The following TEX26 variants were observed in gnomAD, a reference collection of about 807,000 sequenced individuals.
The protein encoded by TEX26 is testis expressed 26, also known as testis-expressed protein 26.
Under a neutral mutation model 35.3 loss-of-function variants are expected in TEX26, and 34 were observed. The ratio of observed to expected loss-of-function variants is 0.96; its 90% confidence interval spans 0.73 to 1.28. TEX26 has a LOEUF of 1.28. Ranked by LOEUF, TEX26 falls within the 50% of genes most tolerant of loss-of-function variation. The pLI, the probability that TEX26 is intolerant of heterozygous loss-of-function variation, is 0.00. For synonymous variants in TEX26, 136 were observed against 111.8 expected, an observed-to-expected ratio of 1.22 and a Z score of -1.36; for missense variants, 371 against 330.1, an observed-to-expected ratio of 1.12 and a Z score of -0.96.
At chr13:30,944,412 T>C (rs1316640752) in intron 2 of TEX26, among the ~76,000 whole-genome samples, 2 of 151,914 alleles carry the variant, frequency 1.3e-5, no homozygotes, top group Admixed American at 6.6e-5. Flanking sequence ...AAGCTTTTTG[T>C]TTCATTGATT....
rs150781399 is a variant in TEX26 at position 30,939,213 on chromosome 13, G to A, written c.62-481G>A. The stretch of plus-strand genomic sequence containing the variant: ...TGTTAACATGTGCTGCCTGGGAGGA[G>A]GGATAGGAAGGAGAGTGGCAATGGC... On this transcript the variant is annotated intron_variant, in intron 1 of 6. Transcript: ENST00000380473. Among the ~76,000 whole-genome samples the A allele has an allele frequency of 2.3e-3, 349 of 152,320 alleles. 5 individuals carry two copies. Among genetic ancestry groups the A allele is most frequent in the African/African-American group, 8.2e-3 (339 of 41,562 alleles).
chr13:30,942,055 G>T lies in TEX26; in HGVS notation c.146+2277G>T, dbSNP rs1032264852. ...GGTGGCATTGCTGGATCAAACGATAGATCTACTGTTAGTTCCTTAAGAAAT... is the reference window on the plus strand; with the variant it reads ...GGTGGCATTGCTGGATCAAACGATATATCTACTGTTAGTTCCTTAAGAAAT... On this transcript the variant is annotated intron_variant, in intron 2 of 6. Coordinates refer to ENST00000380473, the MANE Select transcript of TEX26 (RefSeq NM_152325.3). Among the ~76,000 whole-genome samples, 4 of 152,282 alleles carry T rather than the reference G, an allele frequency of 2.6e-5. No homozygotes were observed. In the South Asian group the frequency reaches 8.3e-4, roughly 32 times the overall value.
intron 2 of TEX26, among the ~76,000 whole-genome samples, chr13:30,951,867 C>T (rs1953933606): frequency 6.7e-6 from 1 of 150,312 alleles, no homozygotes; most frequent in Non-Finnish European, 1.5e-5. Flanking sequence ...GAAATTGAAT[C>T]TAAAAAAGGT....
In TEX26 at chr13:30,968,954, A is replaced by C. The variant is rs775238552; in HGVS notation, c.716A>C (p.Asp239Ala). 7 of 1,614,150 alleles carry C rather than the reference A, an allele frequency of 4.3e-6. No individual in the cohort carries two copies. The highest frequency in any genetic ancestry group is 5.1e-6 in the Non-Finnish European group (6 of 1,179,996). The stretch of plus-strand genomic sequence containing the variant: ...AAGAAACAGACCACATACCAAAGTG[A>C]CTACGACAAAACCTACCCAGATTTC... ...HTKKQTTYQSDYDKTYPDFLM... is the reference protein window; with the variant it reads ...HTKKQTTYQSAYDKTYPDFLM... The change falls in exon 6 of 7, where the codon GAC becomes GCC. Residue 239 changes from aspartate to alanine, a missense_variant. By Grantham distance (126) the Asp-to-Ala change is moderately radical. Coordinates refer to ENST00000380473, the MANE Select transcript of TEX26 (RefSeq NM_152325.3).
rs534145890 is a variant in TEX26 at position 30,959,828 on chromosome 13, G to A, written c.469+2799G>A. On this transcript the variant is annotated intron_variant, in intron 4 of 6. Transcript: ENST00000380473. ...AGGGCCCCTGAATGCCTGACATAAC[G>A]AATGACAAAAGACTGTCACTAATGC... Among the ~76,000 whole-genome samples, 10 of 152,226 alleles carry A rather than the reference G, an allele frequency of 6.6e-5. No individual in the cohort carries two copies. The East Asian group carries it at 7.7e-4, about 12-fold the overall frequency.
At chr13:30,933,566 C>G (rs1441636058) in intron 1 of TEX26, 2 of 152,210 alleles carry the variant, frequency 1.3e-5, no homozygotes, top group African/African-American at 2.4e-5. Context: ...AAGGATTGTT[C>G]AAGTACAAAT....
At chr13:30,966,782 C>G (rs1026829734) in intron 5 of TEX26, among the ~76,000 whole-genome samples, 1 of 152,130 alleles carries the variant, frequency 6.6e-6, no homozygotes, top group African/African-American at 2.4e-5. Context: ...GATCTTAACC[C>G]CTGGCTCCAA....
intron 2 of TEX26, among the ~76,000 whole-genome samples, chr13:30,943,412 G>A (rs1169579607): frequency 6.6e-6 from 1 of 151,934 alleles, no homozygotes; most frequent in South Asian, 2.1e-4. Context: ...TCAGCAAACA[G>A]CAATATTTTG....
intron 4 of TEX26, among the ~76,000 whole-genome samples, chr13:30,959,947 C>T (rs923548846): frequency 6.6e-6 from 1 of 152,166 alleles, no homozygotes; most frequent in Non-Finnish European, 1.5e-5. Context: ...AAAATGTCAT[C>T]TGTCTTCTAC....
rs1011390668 is a variant in TEX26, at chr13:30,956,704, G to A, written c.313-169G>A. Among the ~76,000 whole-genome samples, 15 of 152,134 alleles carry A rather than the reference G, an allele frequency of 9.9e-5. 1 individual carries two copies. Among genetic ancestry groups the A allele is most frequent in the Admixed American group, 7.2e-4 (11 of 15,266 alleles). On this transcript the variant is annotated intron_variant, in intron 3 of 6. Transcript: ENST00000380473. ...AAGAAATGTACAGAGCCCGCGTTTC[G>A]ACTGGGTCAACCAATGTCTCCTGTT...
intron 1 of TEX26, among the ~76,000 whole-genome samples, chr13:30,935,124 G>A (rs1245759662): frequency 1.3e-5 from 2 of 152,192 alleles, no homozygotes; most frequent in Admixed American, 6.5e-5. Context: ...CCACTGCCAG[G>A]CAATACCCCA....
At position 30,966,332 on chromosome 13, in the gene TEX26, G is replaced by GATTTTCA; in HGVS notation, c.581_582insTTTTCAA (p.Glu194AspfsTer48). ...TTACCAAATTCCAGCTAAAATTCCT[G>GATTTTCA]AGCTTCAAGATTTCAGTTTCAAATA... On this transcript the variant is annotated frameshift_variant, in exon 5 of 7. Coordinates refer to ENST00000380473, the MANE Select transcript of TEX26 (RefSeq NM_152325.3). LOFTEE classifies it high-confidence loss of function. 1.2e-6 allele frequency: 2 copies of GATTTTCA among 1,613,684 alleles called. No homozygotes were observed. The highest frequency in any genetic ancestry group is 1.7e-6 in the Non-Finnish European group (2 of 1,179,930).
chr13:30,974,105 A>C (rs1390630563), intron 6 of TEX26, among the ~76,000 whole-genome samples: 1 of 130,068 alleles, frequency 7.7e-6, no homozygotes, highest in Non-Finnish European at 1.6e-5. Flanking sequence ...TGGGCAATAG[A>C]GTGAGCCTCC....
At chr13:30,949,094 G>A (rs1032039285) in intron 2 of TEX26, among the ~76,000 whole-genome samples, 5 of 152,056 alleles carry the variant, frequency 3.3e-5, no homozygotes, top group East Asian at 3.8e-4. Context: ...TGTTCCATTG[G>A]TCTATATCTC....
chr13:30,935,599 C>T (rs779951902), intron 1 of TEX26, among the ~76,000 whole-genome samples: 2 of 152,226 alleles, frequency 1.3e-5, no homozygotes, highest in Non-Finnish European at 2.9e-5. Context: ...AGTACCCTCT[C>T]GACTGCCGAC....
rs564013207 is a variant in TEX26, at chr13:30,945,296, C to T, written c.146+5518C>T. ...CTCGCTTTAGGTTTCCATTTGCATG[C>T]AATATCTTTTTCCACCCTTTTTCCT... On this transcript the variant is annotated intron_variant, in intron 2 of 6. Coordinates refer to ENST00000380473, the MANE Select transcript of TEX26 (RefSeq NM_152325.3). Among the ~76,000 whole-genome samples, 13 of 151,838 alleles carry T rather than the reference C, an allele frequency of 8.6e-5. No homozygotes were observed. In the East Asian group the frequency reaches 2.3e-3, roughly 27 times the overall value.
intron 6 of TEX26, among the ~76,000 whole-genome samples, chr13:30,970,922 T>C (rs1954691313): frequency 6.6e-6 from 1 of 152,248 alleles, no homozygotes; most frequent in African/African-American, 2.4e-5. Context: ...GGTAGACCTG[T>C]TAGCTAACAA....
At chr13:30,967,236 A>C (rs2138333445) in intron 5 of TEX26, among the ~76,000 whole-genome samples, 1 of 152,300 alleles carries the variant, frequency 6.6e-6, no homozygotes, top group African/African-American at 2.4e-5. Context: ...GGGATCAAGT[A>C]GCACTTGAGA....
chr13:30,956,076 A>T (rs1281838333), intron 3 of TEX26, among the ~76,000 whole-genome samples: 1 of 151,860 alleles, frequency 6.6e-6, no homozygotes, highest in East Asian at 1.9e-4. Context: ...CAAGTTTGTT[A>T]CATATGTATA....
Sources: allele counts gnomAD v4.1 joint callset (sites outside exome capture counted in the v4.1 genomes callset), GRCh38; gene constraint gnomAD v4.1.1; transcripts MANE v1.5; gene names NCBI Gene and HGNC (gene_info 2026-07-23, HGNC 2026-07-21).